Variants in TIMP3 observed in about 807,000 individuals in gnomAD.
TIMP3 encodes TIMP metallopeptidase inhibitor 3, also known as metalloproteinase inhibitor 3.
A neutral mutation model predicts 30.0 loss-of-function variants in TIMP3; 11 were observed. That is an observed-to-expected ratio of 0.37 (90% CI 0.23 to 0.61). TIMP3 has a LOEUF of 0.61. TIMP3 is among the 20% of genes least tolerant of loss of function. The pLI is 0.70. For synonymous variants in TIMP3, 112 were observed against 111.3 expected (o/e 1.01, Z -0.04); for missense variants, 181 against 276.8 (o/e 0.65, Z 2.45).
rs1015751759 is a variant in TIMP3 at position 32,837,762 on chromosome 22, G to A, written c.122-11690G>A. Among the ~76,000 whole-genome samples the A allele has an allele frequency of 3.9e-5, 6 of 152,218 alleles. No individual in the cohort carries two copies. The highest frequency in any genetic ancestry group is 1.3e-4 in the Admixed American group (2 of 15,288). ...ATAAGTCTTTATCACTAGCCTCAGG[G>A]AGTAGAAGCCCACCTAAGAAATGGC... is the stretch of plus-strand genomic sequence containing the variant. On this transcript the variant is annotated intron_variant, in intron 1 of 4. Coordinates refer to ENST00000266085, the MANE Select transcript of TIMP3 (RefSeq NM_000362.5). This position sits in a 1 kb window ranked among gnomAD's most constrained non-coding sequence, Gnocchi z 4.1.
chr22:32,824,235 G>A (rs187734121), intron 1 of TIMP3, among the ~76,000 whole-genome samples: 83 of 143,894 alleles, frequency 5.8e-4, no homozygotes, highest in Middle Eastern at 3.7e-3. Context: ...ACGACACCTC[G>A]CCACTGCACT....
At chr22:32,810,435 G>A (rs994270622) in intron 1 of TIMP3, among the ~76,000 whole-genome samples, 1 of 151,902 alleles carries the variant, frequency 6.6e-6, no homozygotes, top group Non-Finnish European at 1.5e-5. Context: ...TTGTGGGGGT[G>A]GGGAAGGGAA....
At chr22:32,823,869 C>A (rs532449645) in intron 1 of TIMP3, among the ~76,000 whole-genome samples, 4 of 152,224 alleles carry the variant, frequency 2.6e-5, no homozygotes, top group African/African-American at 9.6e-5. Flanking sequence ...CCCCACAGTG[C>A]CCTGCCACAG....
intron 1 of TIMP3, 68 bp downstream of exon 1, chr22:32,802,190 C>T (rs2145932116): frequency 2.6e-6 from 4 of 1,525,544 alleles, no homozygotes; most frequent in Middle Eastern, 3.4e-4. Flanking sequence ...CTTAGGGAGG[C>T]AGGGCGAGCC....
intron 1 of TIMP3, among the ~76,000 whole-genome samples, chr22:32,813,173 A>G (rs2046958664): frequency 6.6e-6 from 1 of 152,186 alleles, no homozygotes; most frequent in Admixed American, 6.5e-5. Context: ...AAATATGTTT[A>G]TGGTTCCCCA....
At chr22:32,818,366 C>T (rs538671921) in intron 1 of TIMP3, among the ~76,000 whole-genome samples, 1 of 152,104 alleles carries the variant, frequency 6.6e-6, no homozygotes, top group African/African-American at 2.4e-5. Context: ...AGCCCAGGGG[C>T]TGGGGGCAGC....
intron 1 of TIMP3, among the ~76,000 whole-genome samples, chr22:32,822,269 T>A (rs2047271800): frequency 6.6e-6 from 1 of 152,206 alleles, no homozygotes; most frequent in African/African-American, 2.4e-5. Context: ...TCTGGGTATG[T>A]TCACAGGGTA....
At chr22:32,807,384 T>TA (rs1420904329) in intron 1 of TIMP3, among the ~76,000 whole-genome samples, 111 of 107,114 alleles carry the variant, frequency 1.0e-3, no homozygotes, top group African/African-American at 4.0e-3. Flanking sequence ...ATATAATATA[T>TA]ATTATATATA....
chr22:32,830,194 T>C (rs1359650396), intron 1 of TIMP3, among the ~76,000 whole-genome samples: 1 of 152,200 alleles, frequency 6.6e-6, no homozygotes, highest in Non-Finnish European at 1.5e-5. Context: ...TTTTTCCCGC[T>C]GCCCTCTAGC....
intron 2 of TIMP3, among the ~76,000 whole-genome samples, chr22:32,850,109 G>A (rs1380124050): frequency 6.7e-6 from 1 of 149,824 alleles, no homozygotes; most frequent in Non-Finnish European, 1.5e-5. Context: ...ATCCTAGATA[G>A]TTAGCAATGT....
chr22:32,823,714 C>T (rs1052844385), intron 1 of TIMP3, among the ~76,000 whole-genome samples: 1 of 152,042 alleles, frequency 6.6e-6, no homozygotes, highest in Non-Finnish European at 1.5e-5. Flanking sequence ...TAATAATAGG[C>T]CGTGTAGGAG....
intron 2 of TIMP3, among the ~76,000 whole-genome samples, chr22:32,853,150 C>A (rs184755546): frequency 6.6e-6 from 1 of 152,320 alleles, no homozygotes; most frequent in Admixed American, 6.5e-5. Context: ...CTGGAAGCAT[C>A]TTTGACCCCC....
At chr22:32,814,176 G>C (rs2047000603) in intron 1 of TIMP3, among the ~76,000 whole-genome samples, 1 of 38,484 alleles carries the variant, frequency 2.6e-5, no homozygotes, top group Admixed American at 3.3e-4. Flanking sequence ...GAAAGAGAAA[G>C]AAAGAAAAGA....
chr22:32,817,741 T>C (rs1269075013), intron 1 of TIMP3, among the ~76,000 whole-genome samples: 1 of 152,216 alleles, frequency 6.6e-6, no homozygotes, highest in African/African-American at 2.4e-5. Flanking sequence ...GGATCTTGTT[T>C]ATACCGTTAA....
intron 1 of TIMP3, among the ~76,000 whole-genome samples, chr22:32,842,815 C>T (rs952728859): frequency 6.6e-6 from 1 of 152,008 alleles, no homozygotes; most frequent in African/African-American, 2.4e-5. Context: ...CTGCTGATGG[C>T]GATGACTTCT....
intron 1 of TIMP3, among the ~76,000 whole-genome samples, chr22:32,814,755 G>A (rs972021549): frequency 2.0e-5 from 3 of 152,096 alleles, no homozygotes; most frequent in Non-Finnish European, 2.9e-5. Context: ...TCTGAGAAGA[G>A]TTTCTTACTG....
chr22:32,844,371 G>A (rs1423084421), intron 1 of TIMP3, among the ~76,000 whole-genome samples: 6 of 152,304 alleles, frequency 3.9e-5, no homozygotes, highest in Non-Finnish European at 8.8e-5. Context: ...TTCAAAACTT[G>A]TGCCACTGTG....
chr22:32,804,325 C>T (rs1011498510), intron 1 of TIMP3, among the ~76,000 whole-genome samples: 2 of 152,170 alleles, frequency 1.3e-5, no homozygotes, highest in Non-Finnish European at 2.9e-5. Context: ...TGCTGGCGTC[C>T]AGTACTTGGC....
intron 1 of TIMP3, among the ~76,000 whole-genome samples, chr22:32,819,528 C>T (rs1259594635): frequency 6.6e-6 from 1 of 152,278 alleles, no homozygotes; most frequent in East Asian, 1.9e-4. Flanking sequence ...AGATTCTCTC[C>T]TTGAACACAG....
Sources: allele counts gnomAD v4.1 joint callset (sites outside exome capture counted in the v4.1 genomes callset), GRCh38; gene constraint gnomAD v4.1.1; non-coding constraint Gnocchi (gnomAD v3.1); transcripts MANE v1.5; gene names NCBI Gene and HGNC (gene_info 2026-07-23, HGNC 2026-07-21).